The following HPGDS variants were observed in gnomAD, a reference collection of about 807,000 sequenced individuals.
HPGDS encodes the protein hematopoietic prostaglandin D synthase.
HPGDS carries 26 observed loss-of-function variants against 23.1 expected under a neutral mutation model. That is an observed-to-expected ratio of 1.13 (90% CI 0.83 to 1.56). The LOEUF is 1.56. Among genes scored for constraint, HPGDS ranks in the 40% most tolerant of loss-of-function variants. The pLI, the probability that HPGDS is intolerant of heterozygous loss-of-function variation, is 0.00. For synonymous variants in HPGDS, 95 were observed against 77.9 expected, an observed-to-expected ratio of 1.22 and a Z score of -1.16; for missense variants, 268 against 236.4, an observed-to-expected ratio of 1.13 and a Z score of -0.88.
At chr4:94,304,990 A>G (rs1007462828) in intron 4 of HPGDS, among the ~76,000 whole-genome samples, 5 of 152,110 alleles carry the variant, frequency 3.3e-5, no homozygotes, top group Non-Finnish European at 2.9e-5. Context: ...ACACTTCTAA[A>G]TTGGAGAGCA....
intron 2 of HPGDS, among the ~76,000 whole-genome samples, chr4:94,324,434 T>C (rs1003987256): frequency 6.6e-6 from 1 of 151,884 alleles, no homozygotes; most frequent in Admixed American, 6.6e-5. Context: ...TAGTCGCATG[T>C]TTCTTGGAGA....
At position 94,338,179 on chromosome 4, in the gene HPGDS, T is replaced by C. The variant is rs1721061835; in HGVS notation, c.-9-3541A>G. ...TGGCTCACGTCTGTAATCCCGGCAC[T>C]TTGGGAGGCCGAGGCGGGCAGATCA... On this transcript the variant is annotated intron_variant, in intron 1 of 5. Transcript: ENST00000295256. Among the ~76,000 whole-genome samples, 5 of 152,182 alleles carry C rather than the reference T, an allele frequency of 3.3e-5. No homozygotes were observed. In the South Asian group the frequency reaches 1.0e-3, roughly 32 times the overall value.
intron 2 of HPGDS, among the ~76,000 whole-genome samples, chr4:94,321,138 C>A (rs1381692495): frequency 6.6e-6 from 1 of 152,130 alleles, no homozygotes; most frequent in African/African-American, 2.4e-5. Context: ...GTTTTGGTAC[C>A]AGTACCATGC....
intron 2 of HPGDS, among the ~76,000 whole-genome samples, chr4:94,322,734 T>A (rs944761493): frequency 4.0e-5 from 6 of 151,884 alleles, no homozygotes; most frequent in Non-Finnish European, 8.8e-5. Context: ...CGCTGATTTT[T>A]TGAAGGGTTT....
At chr4:94,312,597 G>A (rs1363006019) in intron 3 of HPGDS, among the ~76,000 whole-genome samples, 2 of 152,194 alleles carry the variant, frequency 1.3e-5, no homozygotes, top group Non-Finnish European at 2.9e-5. Context: ...GTGTGGTGCT[G>A]AGAAGAATGT....
chr4:94,335,720 T>C (rs1720994871), intron 1 of HPGDS, among the ~76,000 whole-genome samples: 1 of 152,152 alleles, frequency 6.6e-6, no homozygotes. Context: ...ACACTATGAA[T>C]ACAGCACACT....
At chr4:94,327,905 T>C (rs1286190834) in intron 2 of HPGDS, among the ~76,000 whole-genome samples, 2 of 152,150 alleles carry the variant, frequency 1.3e-5, no homozygotes, top group African/African-American at 4.8e-5. Context: ...AGGCAAGATA[T>C]AGTCTGGTGG....
chr4:94,322,655 TC>T (rs1756539585), intron 2 of HPGDS, among the ~76,000 whole-genome samples: 1 of 152,218 alleles, frequency 6.6e-6, no homozygotes, highest in South Asian at 2.1e-4. Context: ...TTCTCTCTTT[TC>T]TTCTTTATTA....
intron 1 of HPGDS, among the ~76,000 whole-genome samples, chr4:94,336,778 G>A (rs562891632): frequency 6.6e-5 from 10 of 152,202 alleles, no homozygotes; most frequent in Admixed American, 2.0e-4. Context: ...AAAGGTCTAA[G>A]AGCACGAAAA....
At chr4:94,312,203 C>T (rs1261324626) in intron 3 of HPGDS, among the ~76,000 whole-genome samples, 1 of 152,042 alleles carries the variant, frequency 6.6e-6, no homozygotes. Flanking sequence ...TTTGCTCTTG[C>T]TTTTCTAGTT....
chr4:94,335,335 T>A (rs1560596210), intron 1 of HPGDS, among the ~76,000 whole-genome samples: 1 of 152,242 alleles, frequency 6.6e-6, no homozygotes, highest in Non-Finnish European at 1.5e-5. Flanking sequence ...CAAGTACTCT[T>A]ACATTTCAAA....
rs115986006 is a variant in HPGDS, at chr4:94,334,017, A to G, written c.133+480T>C. Reference sequence around the variant, plus strand: ...AAGGGCAATGACTTTTAAGGAGCTCATGCTTCCAAAGGCTGTGGCAATTCA... The same window carrying G: ...AAGGGCAATGACTTTTAAGGAGCTCGTGCTTCCAAAGGCTGTGGCAATTCA... On this transcript the variant is annotated intron_variant, in intron 2 of 5. Transcript: ENST00000295256. Among the ~76,000 whole-genome samples the G allele has an allele frequency of 4.3e-3, 662 of 152,356 alleles. 3 individuals are homozygous for G. The highest frequency in any genetic ancestry group is 0.015 in the African/African-American group (630 of 41,584).
rs190668518 is a variant in HPGDS, at chr4:94,325,643, G to A, written c.134-7678C>T. On this transcript the variant is annotated intron_variant, in intron 2 of 5. Coordinates refer to ENST00000295256, the MANE Select transcript of HPGDS (RefSeq NM_014485.3). ...CATTTGCTAAGACCATTGGAAAAAT[G>A]CAGTATTTGGGTGGCAGTGTCCCAA... is the stretch of plus-strand genomic sequence containing the variant. 4.6e-5 allele frequency among the ~76,000 whole-genome samples: 7 copies of A among 152,242 alleles called. No homozygotes were observed. In the East Asian group the frequency reaches 7.7e-4, roughly 17 times the overall value.
intron 4 of HPGDS, among the ~76,000 whole-genome samples, chr4:94,304,282 ATTC>A (rs1756101089): frequency 6.6e-6 from 1 of 152,124 alleles, no homozygotes; most frequent in African/African-American, 2.4e-5. Context: ...AGGCCTTCTC[ATTC>A]TTCTTCCCCA....
At chr4:94,327,529 A>G (rs972619013) in intron 2 of HPGDS, among the ~76,000 whole-genome samples, 2 of 152,090 alleles carry the variant, frequency 1.3e-5, no homozygotes, top group Admixed American at 1.3e-4. Flanking sequence ...TGGCAGTACT[A>G]TCCTCAGGTC....
chr4:94,338,190 G>T (rs1380796260), intron 1 of HPGDS, among the ~76,000 whole-genome samples: 1 of 152,138 alleles, frequency 6.6e-6, no homozygotes, highest in South Asian at 2.1e-4. Flanking sequence ...TTGGGAGGCC[G>T]AGGCGGGCAG....
chr4:94,319,567 A>T (rs1290020323), intron 2 of HPGDS, among the ~76,000 whole-genome samples: 1 of 152,142 alleles, frequency 6.6e-6, no homozygotes, highest in Non-Finnish European at 1.5e-5. Context: ...TATCTATAGT[A>T]ATAACTTTTG....
At chr4:94,326,493 T>C (rs1366669950) in intron 2 of HPGDS, among the ~76,000 whole-genome samples, 3 of 152,188 alleles carry the variant, frequency 2.0e-5, no homozygotes, top group African/African-American at 7.2e-5. Context: ...ACCTAGTCTA[T>C]TGAAGCTCTA....
At chr4:94,335,914 TCA>T (rs2126046210) in intron 1 of HPGDS, among the ~76,000 whole-genome samples, 1 of 152,094 alleles carries the variant, frequency 6.6e-6, no homozygotes, top group South Asian at 2.1e-4. Flanking sequence ...TCATCAAAAA[TCA>T]CATCACAGAC....
Sources: gnomAD v4.1 joint callset for allele counts (sites outside exome capture counted in the v4.1 genomes callset) on GRCh38, gnomAD v4.1.1 for gene constraint, MANE v1.5 for transcripts, NCBI Gene and HGNC (gene_info 2026-07-23, HGNC 2026-07-21) for gene names.